The following GRID2 variants were observed in gnomAD, a reference collection of about 807,000 sequenced individuals.
GRID2 encodes glutamate ionotropic receptor delta type subunit 2.
A neutral mutation model predicts 114.8 loss-of-function variants in GRID2; 33 were observed. The observed-to-expected ratio is 0.29, with a 90% CI of 0.22 to 0.38. GRID2 has a LOEUF of 0.38. GRID2 is among the 10% of genes least tolerant of loss of function. GRID2 has a pLI of 1.00. For synonymous variants in GRID2, 505 were observed against 449.9 expected, an observed-to-expected ratio of 1.12 and a Z score of -1.55; for missense variants, 1,184 against 1,257.7, an observed-to-expected ratio of 0.94 and a Z score of 0.89.
chr4:93,157,955 CAG>C (rs1230744462), intron 4 of GRID2, among the ~76,000 whole-genome samples: 2 of 151,788 alleles, frequency 1.3e-5, no homozygotes, highest in Non-Finnish European at 2.9e-5. Context: ...AATTTTAAGA[CAG>C]AAATAACAGA....
chr4:93,043,500 C>T (rs987302679), intron 2 of GRID2, among the ~76,000 whole-genome samples: 8 of 152,040 alleles, frequency 5.3e-5, no homozygotes, highest in African/African-American at 1.4e-4. Context: ...CAAACCATCT[C>T]TAAAAGGAGA....
At chr4:93,229,077 A>G (rs1745818004) in intron 7 of GRID2, among the ~76,000 whole-genome samples, 2 of 152,268 alleles carry the variant, frequency 1.3e-5, no homozygotes, top group South Asian at 4.1e-4. Context: ...CAAGAAACTC[A>G]GTTTGAATAA....
chr4:93,024,775 T>G (rs1723730962), intron 2 of GRID2, among the ~76,000 whole-genome samples: 1 of 151,764 alleles, frequency 6.6e-6, no homozygotes, highest in African/African-American at 2.4e-5. Flanking sequence ...TTCCTAATGC[T>G]CAGCCTCCCA....
intron 14 of GRID2, among the ~76,000 whole-genome samples, chr4:93,706,301 C>T (rs1019574236): frequency 1.3e-5 from 2 of 152,144 alleles, no homozygotes; most frequent in African/African-American, 4.8e-5. Context: ...ATTGATACTT[C>T]CAATTCATGA....
intron 2 of GRID2, among the ~76,000 whole-genome samples, chr4:92,857,300 T>C (rs1744242072): frequency 6.6e-6 from 1 of 151,946 alleles, no homozygotes; most frequent in Non-Finnish European, 1.5e-5. Context: ...GAGGAAAGAG[T>C]GTTGAAAGCC....
At chr4:93,297,770 A>T (rs1371921163) in intron 8 of GRID2, among the ~76,000 whole-genome samples, 1 of 152,180 alleles carries the variant, frequency 6.6e-6, no homozygotes, top group Non-Finnish European at 1.5e-5. Flanking sequence ...TTGATAGTAC[A>T]ACTTGTCTTT....
At chr4:93,690,865 G>A (rs1173204063) in intron 14 of GRID2, among the ~76,000 whole-genome samples, 1 of 148,878 alleles carries the variant, frequency 6.7e-6, no homozygotes, top group East Asian at 1.9e-4. Flanking sequence ...TATATAATAT[G>A]TTATAACATT....
chr4:93,751,301 T>C (rs1202095599), intron 14 of GRID2, among the ~76,000 whole-genome samples: 1 of 152,188 alleles, frequency 6.6e-6, no homozygotes, highest in Non-Finnish European at 1.5e-5. Flanking sequence ...CCATTTGCTC[T>C]TTGTTGATCT....
At chr4:92,999,865 T>C (rs960030310) in intron 2 of GRID2, among the ~76,000 whole-genome samples, 5 of 151,662 alleles carry the variant, frequency 3.3e-5, no homozygotes, top group African/African-American at 1.2e-4. Flanking sequence ...TAGAGATATA[T>C]TTAAAATATG....
At chr4:93,069,380 C>T (rs1728609491) in intron 2 of GRID2, among the ~76,000 whole-genome samples, 1 of 151,732 alleles carries the variant, frequency 6.6e-6, no homozygotes, top group African/African-American at 2.4e-5. Context: ...TCCATAAACC[C>T]TTACACAGTG....
chr4:92,715,009 T>C (rs769147072), intron 2 of GRID2, among the ~76,000 whole-genome samples: 5 of 152,224 alleles, frequency 3.3e-5, no homozygotes, highest in Non-Finnish European at 5.9e-5. Flanking sequence ...GGGATTTTCT[T>C]TTCTATCATA....
chr4:93,582,840 G>A (rs1437965506), intron 13 of GRID2, among the ~76,000 whole-genome samples: 4 of 152,112 alleles, frequency 2.6e-5, no homozygotes, highest in African/African-American at 4.8e-5. Context: ...AAACGATTTT[G>A]TATGACATTG....
intron 3 of GRID2, among the ~76,000 whole-genome samples, chr4:93,096,429 C>G (rs944510773): frequency 6.6e-6 from 1 of 151,896 alleles, no homozygotes; most frequent in African/African-American, 2.4e-5. Flanking sequence ...AATTCTAAAA[C>G]ATAGATCCGA....
chr4:92,741,119 A>G (rs960481710), intron 2 of GRID2, among the ~76,000 whole-genome samples: 1 of 152,100 alleles, frequency 6.6e-6, no homozygotes, highest in African/African-American at 2.4e-5. Context: ...TGGTTAGGAC[A>G]CCTAAGTTCA....
intron 2 of GRID2, among the ~76,000 whole-genome samples, chr4:92,697,721 T>A (rs2149298533): frequency 6.6e-6 from 1 of 152,094 alleles, no homozygotes; most frequent in Admixed American, 6.5e-5. Flanking sequence ...AAAGACTAAG[T>A]AAAATAATGC....
intron 1 of GRID2, among the ~76,000 whole-genome samples, chr4:92,402,531 T>A (rs1730835211): frequency 6.6e-6 from 1 of 152,222 alleles, no homozygotes; most frequent in Non-Finnish European, 1.5e-5. Context: ...TCCTTGTACA[T>A]GTCCATCAGA....
chr4:93,321,170 C>CA (rs1455716168), intron 8 of GRID2, among the ~76,000 whole-genome samples: 3 of 152,060 alleles, frequency 2.0e-5, no homozygotes, highest in Non-Finnish European at 2.9e-5. Context: ...GAGCCATCGT[C>CA]ACACGGAATT....
At chr4:93,142,910 G>A (rs1325412636) in intron 4 of GRID2, among the ~76,000 whole-genome samples, 1 of 152,104 alleles carries the variant, frequency 6.6e-6, no homozygotes, top group Non-Finnish European at 1.5e-5. Flanking sequence ...TCATAGCAGT[G>A]GCAGCATCCA....
intron 14 of GRID2, among the ~76,000 whole-genome samples, chr4:93,647,306 G>T (rs1012901424): frequency 1.3e-5 from 2 of 152,134 alleles, no homozygotes. Context: ...GAAATCAAAT[G>T]TTCCTAAGAA....
Sources: gnomAD v4.1 joint callset for allele counts (sites outside exome capture counted in the v4.1 genomes callset) on GRCh38, gnomAD v4.1.1 for gene constraint, MANE v1.5 for transcripts, NCBI Gene and HGNC (gene_info 2026-07-23, HGNC 2026-07-21) for gene names.